Variants in NEDD4L observed in about 807,000 individuals in gnomAD.
The protein encoded by NEDD4L is NEDD4 like E3 ubiquitin protein ligase.
In NEDD4L, 54 loss-of-function variants were observed where a neutral mutation model predicts 148.9. The observed-to-expected ratio is 0.36, with a 90% confidence interval of 0.29 to 0.45. The LOEUF (loss-of-function observed/expected upper bound fraction) is 0.45, where lower values mean the gene tolerates loss of function less well. Among genes scored for constraint, NEDD4L ranks in the 20% least tolerant of loss-of-function variants. The probability of loss-of-function intolerance (pLI) is 1.00; values close to 1 mark genes in which losing one functional copy is unlikely to be tolerated. For synonymous variants in NEDD4L, 433 were observed against 440.7 expected, an observed-to-expected ratio of 0.98 and a Z score of 0.22; for missense variants, 856 against 1,233.8, an observed-to-expected ratio of 0.69 and a Z score of 4.59.
chr18:58,231,538 A>T (rs1272635900), intron 2 of NEDD4L, among the ~76,000 whole-genome samples: 2 of 151,976 alleles, frequency 1.3e-5, no homozygotes, highest in Non-Finnish European at 2.9e-5. Context: ...TGGAAAACCA[A>T]ACAGATGTGG....
At chr18:58,089,430 T>C (rs2083942959) in intron 1 of NEDD4L, among the ~76,000 whole-genome samples, 2 of 152,140 alleles carry the variant, frequency 1.3e-5, no homozygotes, top group Admixed American at 1.3e-4. Flanking sequence ...CCACGATGCC[T>C]GGCCGTATTT....
chr18:58,144,897 C>T (rs2033939264), intron 1 of NEDD4L, among the ~76,000 whole-genome samples: 1 of 152,180 alleles, frequency 6.6e-6, no homozygotes, highest in Admixed American at 6.5e-5. Context: ...AATACATGTG[C>T]ATGTGGTACC....
chr18:58,087,533 A>G (rs956116212), intron 1 of NEDD4L, among the ~76,000 whole-genome samples: 4 of 152,066 alleles, frequency 2.6e-5, no homozygotes, highest in East Asian at 3.8e-4. Context: ...AGTTTTTGTT[A>G]TGTGTTGCCG....
In NEDD4L at chr18:58,301,450, G is replaced by A. The variant is rs79358828; in HGVS notation, c.298-14532G>A. On this transcript the variant is annotated intron_variant, in intron 5 of 30. Transcript: ENST00000400345. Reference sequence around the variant, plus strand: ...CCCCTGCAATGTGTCACTCTCTCTGGTTTTCTTTCCAGGGAGGTACCCTGT... The same window carrying A: ...CCCCTGCAATGTGTCACTCTCTCTGATTTTCTTTCCAGGGAGGTACCCTGT... Among the ~76,000 whole-genome samples, 282 of 152,252 alleles carry A rather than the reference G, an allele frequency of 1.9e-3. 1 individual carries two copies. The highest frequency in any genetic ancestry group is 6.3e-3 in the African/African-American group (263 of 41,528).
At chr18:58,213,284 ATATT>A (rs960147530) in intron 2 of NEDD4L, among the ~76,000 whole-genome samples, 5 of 152,348 alleles carry the variant, frequency 3.3e-5, no homozygotes, top group African/African-American at 1.2e-4. Flanking sequence ...ATGTATAAGG[ATATT>A]TATTGTACCA....
intron 1 of NEDD4L, chr18:58,045,884 C>G (rs1179084471): frequency 6.6e-6 from 1 of 152,256 alleles, no homozygotes. Context: ...CCTTTCTTTT[C>G]AGAGGTTCCC....
intron 5 of NEDD4L, among the ~76,000 whole-genome samples, chr18:58,309,876 C>T (rs2057484166): frequency 1.3e-5 from 2 of 152,122 alleles, no homozygotes; most frequent in Admixed American, 6.5e-5. Context: ...CTGGAGCCAC[C>T]AGGACTCCCT....
chr18:58,204,856 G>A (rs2041812474), intron 2 of NEDD4L, among the ~76,000 whole-genome samples: 1 of 152,158 alleles, frequency 6.6e-6, no homozygotes, highest in Admixed American at 6.5e-5. Flanking sequence ...GAGGTCAAAT[G>A]GTTTGCGAGA....
intron 10 of NEDD4L, among the ~76,000 whole-genome samples, chr18:58,329,901 A>G (rs908767041): frequency 1.3e-5 from 2 of 152,184 alleles, no homozygotes; most frequent in Non-Finnish European, 2.9e-5. Context: ...TGTTTTTATC[A>G]TAGTTGAGCT....
At chr18:58,153,966 A>G (rs185383503) in intron 1 of NEDD4L, among the ~76,000 whole-genome samples, 1 of 152,370 alleles carries the variant, frequency 6.6e-6, no homozygotes, top group East Asian at 1.9e-4. Context: ...GTTAAAACCA[A>G]GTACCTTTGT....
intron 5 of NEDD4L, among the ~76,000 whole-genome samples, chr18:58,265,019 C>A (rs963094708): frequency 6.6e-6 from 1 of 152,016 alleles, no homozygotes; most frequent in African/African-American, 2.4e-5. Context: ...GCAGAAGAAG[C>A]CTTACTCCTG....
intron 1 of NEDD4L, among the ~76,000 whole-genome samples, chr18:58,131,728 G>C (rs922806042): frequency 2.0e-5 from 3 of 152,118 alleles, no homozygotes; most frequent in African/African-American, 7.2e-5. Flanking sequence ...TTGGGGTTTG[G>C]TTGTGATCTA....
At chr18:58,291,896 A>G (rs2149122978) in intron 5 of NEDD4L, among the ~76,000 whole-genome samples, 1 of 152,084 alleles carries the variant, frequency 6.6e-6, no homozygotes, top group African/African-American at 2.4e-5. Flanking sequence ...CCCCCTTCCC[A>G]AACATTTATG....
At chr18:58,373,740 C>T (rs2047194245) in intron 24 of NEDD4L, among the ~76,000 whole-genome samples, 1 of 152,208 alleles carries the variant, frequency 6.6e-6, no homozygotes, top group African/African-American at 2.4e-5. Flanking sequence ...CTACCATTCC[C>T]TCTGCTTTGC....
chr18:58,127,032 C>T (rs577788303), intron 1 of NEDD4L, among the ~76,000 whole-genome samples: 30 of 152,296 alleles, frequency 2.0e-4, no homozygotes, highest in African/African-American at 6.5e-4. Context: ...ACTGGGGTGA[C>T]GGCTGCTCGC....
intron 5 of NEDD4L, among the ~76,000 whole-genome samples, chr18:58,300,427 C>T (rs2056310083): frequency 6.6e-6 from 1 of 152,230 alleles, no homozygotes; most frequent in Admixed American, 6.5e-5. Flanking sequence ...TTCTCCCAGG[C>T]TCATCCTCCC....
chr18:58,315,804 C>T (rs974339545), intron 5 of NEDD4L, among the ~76,000 whole-genome samples, 178 bp from the exon 6 acceptor site: 9 of 152,328 alleles, frequency 5.9e-5, no homozygotes, highest in East Asian at 5.8e-4. Flanking sequence ...TCAGTCCAGG[C>T]GCACGGGCTC....
chr18:58,375,155 C>T (rs760698613), intron 24 of NEDD4L, among the ~76,000 whole-genome samples: 11 of 152,144 alleles, frequency 7.2e-5, no homozygotes, highest in Non-Finnish European at 1.2e-4. Flanking sequence ...GCCATCTCCC[C>T]GTGCCCAGGC....
intron 30 of NEDD4L, among the ~76,000 whole-genome samples, chr18:58,394,433 A>AT (rs1375019122): frequency 6.6e-6 from 1 of 152,264 alleles, no homozygotes; most frequent in Non-Finnish European, 1.5e-5. Flanking sequence ...ATGGTCACAG[A>AT]TTCTCAAGAA....
Sources: allele counts gnomAD v4.1 joint callset (sites outside exome capture counted in the v4.1 genomes callset), GRCh38; gene constraint gnomAD v4.1.1; transcripts MANE v1.5; gene names NCBI Gene and HGNC (gene_info 2026-07-23, HGNC 2026-07-21).